Variants in TYW1B observed in about 807,000 individuals in gnomAD.
TYW1B encodes tRNA-yW synthesizing protein 1 homolog B, also known as S-adenosyl-L-methionine-dependent tRNA 4-demethylwyosine synthase TYW1B.
A neutral mutation model predicts 86.9 loss-of-function variants in TYW1B; 73 were observed. The observed-to-expected ratio is 0.84, with a 90% CI of 0.70 to 1.02. TYW1B has a LOEUF of 1.02. TYW1B is among the 50% of genes least tolerant of loss of function. The pLI is 0.00. For missense variants in TYW1B, 637 were observed against 827.4 expected, an observed-to-expected ratio of 0.77 and a Z score of 2.82; for synonymous variants, 248 against 292.8, an observed-to-expected ratio of 0.85 and a Z score of 1.56.
At chr7:72,701,026 T>C (rs1245061324) in intron 10 of TYW1B, among the ~76,000 whole-genome samples, 4 of 151,192 alleles carry the variant, frequency 2.6e-5, no homozygotes, top group African/African-American at 9.7e-5. Flanking sequence ...ATTGTGCCAC[T>C]GCACTCTAGC....
chr7:72,709,402 C>T (rs1433887640), intron 10 of TYW1B, among the ~76,000 whole-genome samples: 18 of 152,202 alleles, frequency 1.2e-4, no homozygotes, highest in Non-Finnish European at 2.5e-4. Context: ...AGCGTGGTGG[C>T]TCACGCCTGT....
In TYW1B at chr7:72,575,472, C is replaced by T. The variant is rs558562492; in HGVS notation, c.*26G>A. On this transcript the variant is annotated 3_prime_UTR_variant, in exon 14 of 14. Transcript: ENST00000620995. ...TTTTGAGGCCATCCAAGTTTTTGTCCTTCAGTACCTTGAAATCAGATAATC... is the reference window on the plus strand; with the variant it reads ...TTTTGAGGCCATCCAAGTTTTTGTCTTTCAGTACCTTGAAATCAGATAATC... The T allele has an allele frequency of 1.1e-5, 17 of 1,590,698 alleles. No individual in the cohort carries two copies. Among genetic ancestry groups the T allele is most frequent in the Non-Finnish European group, 1.5e-5 (17 of 1,171,348 alleles).
Position 72,807,247 on chromosome 7 carries a change from G to C in TYW1B, c.542C>G (p.Ala181Gly), listed in dbSNP as rs1585998972. The change falls in exon 5 of 14, where the codon GCC becomes GGC. Residue 181 changes from alanine to glycine, a missense_variant. Transcript: ENST00000620995. ...CTTGGTCTTCCATGCTCTGAAGTTG[G>C]CCTCAATGCTGCCGTGCTTGCTTTT... ...VVKSKHGSIE[A>G]NFRAWKTKFI... 2 of 1,614,094 alleles carry C rather than the reference G, an allele frequency of 1.2e-6. No individual in the cohort carries two copies. The highest frequency in any genetic ancestry group is 4.5e-5 in the East Asian group (2 of 44,884).
At chr7:72,812,181 G>A (rs1374834757) in intron 3 of TYW1B, among the ~76,000 whole-genome samples, 1 of 150,146 alleles carries the variant, frequency 6.7e-6, no homozygotes, top group Non-Finnish European at 1.5e-5. Context: ...GATGTACCTT[G>A]GGGATGTATC....
Position 72,797,241 on chromosome 7 carries a change from C to T in TYW1B, c.846+5159G>A, listed in dbSNP as rs189858950. Among the ~76,000 whole-genome samples the T allele has an allele frequency of 1.3e-3, 200 of 152,274 alleles. 1 individual carries two copies. The highest frequency in any genetic ancestry group is 3.4e-3 in the Middle Eastern group (1 of 294). On this transcript the variant is annotated intron_variant, in intron 6 of 13. Transcript: ENST00000620995. ...TGATTAGAGGATTAGAATTTAGGGCCAGCCTGACCTTTGAGGAAAAGAAGT... is the reference window on the plus strand; with the variant it reads ...TGATTAGAGGATTAGAATTTAGGGCTAGCCTGACCTTTGAGGAAAAGAAGT...
intron 13 of TYW1B, among the ~76,000 whole-genome samples, chr7:72,601,908 C>T (rs4458744): frequency 0.15 from 23,389 of 151,922 alleles, 2,451 homozygotes; most frequent in East Asian, 0.56. Context: ...GCAGGAGGGA[C>T]GAAAAGAGGA....
chr7:72,785,986 G>T (rs1363424444), intron 6 of TYW1B, among the ~76,000 whole-genome samples: 1 of 151,984 alleles, frequency 6.6e-6, no homozygotes, highest in Non-Finnish European at 1.5e-5. Flanking sequence ...GGTGGCGGGC[G>T]CTATAATCCC....
chr7:72,824,391 G>A (rs563500552), intron 2 of TYW1B, among the ~76,000 whole-genome samples: 8 of 152,134 alleles, frequency 5.3e-5, no homozygotes, highest in African/African-American at 1.9e-4. Context: ...CTTGAAGCCA[G>A]GAATTCAAGA....
chr7:72,754,128 C>T (rs1249266926), intron 7 of TYW1B, among the ~76,000 whole-genome samples: 3 of 152,012 alleles, frequency 2.0e-5, no homozygotes, highest in African/African-American at 7.2e-5. Flanking sequence ...AGTCCCTCTA[C>T]TTCTGTTGTT....
chr7:72,816,003 T>G (rs1204882596), intron 2 of TYW1B, among the ~76,000 whole-genome samples: 1 of 152,124 alleles, frequency 6.6e-6, no homozygotes, highest in East Asian at 1.9e-4. Context: ...CACTCTAGCC[T>G]GGGCCACAGA....
At chr7:72,658,644 A>G (rs1813260575) in intron 11 of TYW1B, among the ~76,000 whole-genome samples, 1 of 152,254 alleles carries the variant, frequency 6.6e-6, no homozygotes, top group Admixed American at 6.5e-5. Flanking sequence ...TACATTATAC[A>G]TATAGCATGA....
chr7:72,763,274 TTTCTTTTC>T (rs1265923695), intron 7 of TYW1B, among the ~76,000 whole-genome samples: 3 of 143,550 alleles, frequency 2.1e-5, no homozygotes, highest in Non-Finnish European at 4.5e-5. Context: ...TGTTTTTTCT[TTTCTTTTC>T]TTTTTTTTTT....
At chr7:72,783,589 A>G (rs1788083450) in intron 6 of TYW1B, among the ~76,000 whole-genome samples, 1 of 152,188 alleles carries the variant, frequency 6.6e-6, no homozygotes, top group Non-Finnish European at 1.5e-5. Flanking sequence ...TCTCTAAGAT[A>G]TCACTCACTG....
intron 7 of TYW1B, among the ~76,000 whole-genome samples, chr7:72,761,685 T>C (rs1229933696): frequency 2.0e-5 from 3 of 151,756 alleles, no homozygotes; most frequent in African/African-American, 7.3e-5. Context: ...TTTCAAAATA[T>C]GGATATGGAA....
At chr7:72,645,118 C>T (rs1307267345) in intron 11 of TYW1B, among the ~76,000 whole-genome samples, 1 of 152,282 alleles carries the variant, frequency 6.6e-6, no homozygotes, top group South Asian at 2.1e-4. Flanking sequence ...TGAGCCGCCG[C>T]GCCCAGCCAT....
At chr7:72,716,968 G>A (rs1308977191) in intron 9 of TYW1B, among the ~76,000 whole-genome samples, 1 of 151,946 alleles carries the variant, frequency 6.6e-6, no homozygotes, top group Non-Finnish European at 1.5e-5. Flanking sequence ...CAGTCCAGTG[G>A]CAGTGGGCTG....
At chr7:72,600,733 G>T (rs1275953175) in intron 13 of TYW1B, among the ~76,000 whole-genome samples, 3 of 152,160 alleles carry the variant, frequency 2.0e-5, no homozygotes, top group Admixed American at 2.0e-4. Flanking sequence ...ACAGTGGCAT[G>T]AACCTGTAGT....
chr7:72,767,485 C>T (rs1449644373), intron 7 of TYW1B, among the ~76,000 whole-genome samples: 2 of 151,996 alleles, frequency 1.3e-5, no homozygotes, highest in Non-Finnish European at 2.9e-5. Context: ...TGGCGGGCGC[C>T]TGTAGTCCCA....
chr7:72,623,027 T>G (rs1156970660), intron 12 of TYW1B, among the ~76,000 whole-genome samples: 1 of 152,174 alleles, frequency 6.6e-6, no homozygotes, highest in Non-Finnish European at 1.5e-5. Context: ...ACAGGGTAGA[T>G]AGAAAAAGGA....
Sources: gnomAD v4.1 joint callset for allele counts (sites outside exome capture counted in the v4.1 genomes callset) on GRCh38, gnomAD v4.1.1 for gene constraint, MANE v1.5 for transcripts, NCBI Gene and HGNC (gene_info 2026-07-23, HGNC 2026-07-21) for gene names.